PDE11A: variants seen among roughly 807,000 people sequenced by gnomAD.
The protein encoded by PDE11A is dual 3',5'-cyclic-AMP and -GMP phosphodiesterase 11A.
PDE11A carries 100 observed loss-of-function variants against 100.5 expected under a neutral mutation model. The observed-to-expected ratio is 1.00, with a 90% CI of 0.85 to 1.18. PDE11A has a LOEUF of 1.18. Among genes scored for constraint, PDE11A ranks in the 50% most tolerant of loss-of-function variants. PDE11A has a pLI of 0.00. For synonymous variants in PDE11A, 381 were observed against 420.8 expected (o/e 0.91, Z 1.16); for missense variants, 1,141 against 1,152.6 (o/e 0.99, Z 0.15).
chr2:177,696,127 G>T (rs1323202632), intron 15 of PDE11A, among the ~76,000 whole-genome samples: 2 of 152,160 alleles, frequency 1.3e-5, no homozygotes, highest in Admixed American at 1.3e-4. Context: ...AGATTATAGA[G>T]GGCCTTGAAA....
chr2:177,945,798 C>G (rs1441922296), intron 2 of PDE11A, among the ~76,000 whole-genome samples: 1 of 149,296 alleles, frequency 6.7e-6, no homozygotes. Context: ...CCCCCCCGCC[C>G]GGCCAGCCGT....
At chr2:178,051,338 C>A (rs1034379169) in intron 1 of PDE11A, among the ~76,000 whole-genome samples, 6 of 152,174 alleles carry the variant, frequency 3.9e-5, no homozygotes, top group East Asian at 1.9e-4. Flanking sequence ...GCCTGCCTTA[C>A]AAGAGCTCCT....
At chr2:177,991,411 A>G (rs2086002740) in intron 2 of PDE11A, among the ~76,000 whole-genome samples, 1 of 150,934 alleles carries the variant, frequency 6.6e-6, no homozygotes, top group Admixed American at 6.6e-5. Context: ...CAAGGCGGGC[A>G]GATCATGAGG....
chr2:177,676,121 T>A lies in PDE11A; in HGVS notation c.2424-603A>T, dbSNP rs1489154629. On this transcript the variant is annotated intron_variant, in intron 16 of 19. Coordinates refer to ENST00000286063, the MANE Select transcript of PDE11A (RefSeq NM_016953.4). ...AAGAAGAAACATACTCAGCTCCAGC[T>A]CTCATTAATTTGGGCACATAAGAAA... 5 of 172,084 alleles carry A rather than the reference T, an allele frequency of 2.9e-5. No individual in the cohort carries two copies. The East Asian group carries it at 7.3e-4, about 25-fold the overall frequency. The allele number at this position is 172,084 out of a possible 1,614,324, so 10.7% of individuals were successfully genotyped here.
intron 10 of PDE11A, among the ~76,000 whole-genome samples, chr2:177,735,411 A>C (rs1475773417): frequency 1.3e-5 from 2 of 151,358 alleles, no homozygotes; most frequent in African/African-American, 4.8e-5. Flanking sequence ...GAAAAAAAAA[A>C]CCCCAAAAAA....
At chr2:177,949,980 T>G (rs1458104439) in intron 2 of PDE11A, among the ~76,000 whole-genome samples, 3 of 151,482 alleles carry the variant, frequency 2.0e-5, no homozygotes, top group South Asian at 2.1e-4. Flanking sequence ...ATAAAGATAA[T>G]GCTCTTTGTT....
At chr2:177,929,156 TCTC>T (rs34149684) in intron 2 of PDE11A, among the ~76,000 whole-genome samples, 13,158 of 152,186 alleles carry the variant, frequency 0.086, 540 homozygotes, top group South Asian at 0.1. Flanking sequence ...GTCATCCAAA[TCTC>T]CTAATCTCCT....
intron 19 of PDE11A, among the ~76,000 whole-genome samples, chr2:177,643,502 C>T (rs1253882585): frequency 6.6e-6 from 1 of 152,120 alleles, no homozygotes; most frequent in Non-Finnish European, 1.5e-5. Flanking sequence ...TTCTAAGCAG[C>T]AAAGCATTCT....
At chr2:177,702,233 C>A (rs541073878) in intron 13 of PDE11A, among the ~76,000 whole-genome samples, 2 of 151,638 alleles carry the variant, frequency 1.3e-5, no homozygotes, top group South Asian at 4.2e-4. Flanking sequence ...GAGAATCACT[C>A]GAAACTGGGA....
At chr2:177,686,716 T>C (rs1450381747) in intron 15 of PDE11A, 2 of 119,442 alleles carry the variant, frequency 1.7e-5, no homozygotes, top group East Asian at 5.3e-4. Context: ...TTTTTTTTTT[T>C]TTTTTTTTTG....
At chr2:178,071,427 G>A in intron 1 of PDE11A, 99 bp downstream of exon 1, 1 of 1,476,902 alleles carries the variant, frequency 6.8e-7, no homozygotes, top group Non-Finnish European at 9.4e-7. Context: ...GTATTGTAAA[G>A]AGCCTAAATT....
At chr2:178,092,001 T>G (rs562849978) in intron 2 of PDE11A, among the ~76,000 whole-genome samples, 1 of 152,186 alleles carries the variant, frequency 6.6e-6, no homozygotes, top group Non-Finnish European at 1.5e-5. Context: ...AAGGTCAACA[T>G]TGGCTCTTTT....
intron 2 of PDE11A, among the ~76,000 whole-genome samples, chr2:178,012,685 G>A (rs1428310869): frequency 6.6e-6 from 1 of 152,138 alleles, no homozygotes; most frequent in Non-Finnish European, 1.5e-5. Context: ...ACAGGTACAA[G>A]TCCATTAAGA....
intron 15 of PDE11A, chr2:177,687,569 T>C (rs1211350484): frequency 1.3e-5 from 2 of 152,210 alleles, no homozygotes; most frequent in Non-Finnish European, 2.9e-5. Context: ...TATTTACCCA[T>C]TTCCTGGAAG....
intron 2 of PDE11A, among the ~76,000 whole-genome samples, chr2:178,009,383 A>G (rs1415577341): frequency 1.3e-5 from 2 of 152,228 alleles, no homozygotes; most frequent in Non-Finnish European, 2.9e-5. Flanking sequence ...TGTACTTTCA[A>G]AGTGAATTAT....
chr2:178,015,979 T>C (rs1224229863), intron 1 of PDE11A, among the ~76,000 whole-genome samples: 1 of 152,026 alleles, frequency 6.6e-6, no homozygotes, highest in African/African-American at 2.4e-5. Context: ...CACTGGTGCC[T>C]ATGCTATGCT....
chr2:177,820,714 C>A (rs924755312), intron 6 of PDE11A, among the ~76,000 whole-genome samples: 18 of 151,842 alleles, frequency 1.2e-4, no homozygotes, highest in African/African-American at 4.3e-4. Context: ...CATGTTTGTG[C>A]CTATAATGCT....
chr2:178,026,521 C>T (rs925127082), intron 1 of PDE11A, among the ~76,000 whole-genome samples: 5 of 151,664 alleles, frequency 3.3e-5, no homozygotes, highest in Admixed American at 6.6e-5. Context: ...ATTAGCTGGG[C>T]GTGATGGTAG....
intron 1 of PDE11A, among the ~76,000 whole-genome samples, chr2:178,043,255 G>A (rs1236518551): frequency 6.6e-6 from 1 of 152,066 alleles, no homozygotes; most frequent in Non-Finnish European, 1.5e-5. Flanking sequence ...TCACATTGAT[G>A]GCTTATAAAT....
Sources: gnomAD v4.1 joint callset for allele counts (sites outside exome capture counted in the v4.1 genomes callset) on GRCh38, gnomAD v4.1.1 for gene constraint, MANE v1.5 for transcripts, NCBI Gene and HGNC (gene_info 2026-07-23, HGNC 2026-07-21) for gene names.